Variants in ALK observed in about 807,000 individuals in gnomAD.
ALK encodes the protein ALK receptor tyrosine kinase.
ALK carries 74 observed loss-of-function variants against 163.1 expected under a neutral mutation model. That is an observed-to-expected ratio of 0.45 (90% confidence interval 0.38 to 0.55). The LOEUF (loss-of-function observed/expected upper bound fraction) is 0.55. ALK is among the 20% of genes least tolerant of loss of function. The pLI, the probability that ALK is intolerant of heterozygous loss-of-function variation, is 0.00. For synonymous variants in ALK, 960 were observed against 843.2 expected (o/e 1.14, Z -2.40); for missense variants, 2,063 against 2,105.3 (o/e 0.98, Z 0.39).
chr2:29,617,552 A>T (rs1293233088), intron 3 of ALK, among the ~76,000 whole-genome samples: 1 of 152,158 alleles, frequency 6.6e-6, no homozygotes, highest in Non-Finnish European at 1.5e-5. Context: ...GCTGACAAAG[A>T]CTGTCTCAGG....
At chr2:29,217,072 T>C (rs1305302731) in intron 23 of ALK, among the ~76,000 whole-genome samples, 2 of 143,034 alleles carry the variant, frequency 1.4e-5, no homozygotes, top group East Asian at 4.4e-4. Context: ...TGTGTATGTG[T>C]AGTGTATGTA....
intron 3 of ALK, among the ~76,000 whole-genome samples, chr2:29,666,459 G>A (rs1463399670): frequency 6.6e-6 from 1 of 151,950 alleles, no homozygotes; most frequent in Admixed American, 6.6e-5. Flanking sequence ...TCTCCTCAAG[G>A]CTCTCATCTC....
intron 3 of ALK, among the ~76,000 whole-genome samples, chr2:29,659,544 G>A (rs577609216): frequency 3.3e-5 from 5 of 152,108 alleles, no homozygotes; most frequent in African/African-American, 4.8e-5. Flanking sequence ...TAAGCACTAC[G>A]TTATACAACA....
At chr2:29,912,238 A>G (rs1667723575) in intron 1 of ALK, among the ~76,000 whole-genome samples, 1 of 152,202 alleles carries the variant, frequency 6.6e-6, no homozygotes, top group Admixed American at 6.5e-5. Context: ...AAACTTATAG[A>G]CTCAAGAGTC....
chr2:29,389,763 G>A (rs1377105714), intron 4 of ALK, among the ~76,000 whole-genome samples: 3 of 152,130 alleles, frequency 2.0e-5, no homozygotes, highest in Non-Finnish European at 1.5e-5. Context: ...TGATAATGAC[G>A]CCTTCCCTGT....
chr2:29,772,605 T>G (rs1681057306), intron 1 of ALK, among the ~76,000 whole-genome samples: 1 of 151,972 alleles, frequency 6.6e-6, no homozygotes, highest in Non-Finnish European at 1.5e-5. Flanking sequence ...GCAACACAAG[T>G]GTATTATTTA....
At position 29,193,883 on chromosome 2, in the gene ALK, C is replaced by T. The variant is rs2148139060; in HGVS notation, c.4204G>A (p.Gly1402Ser). Residue 1402 changes from glycine to serine, a missense_variant, in exon 29 of 29, where the codon GGT (glycine) becomes AGT (serine). This residue lies in a region of ALK where 403 missense variants were observed against 366.2 expected (regional missense o/e 1.10). Transcript: ENST00000389048. ...VINTALPIEY[G>S]PLVEEEEKVP... The stretch of plus-strand genomic sequence containing the variant: ...TTCTCTTCCTCTTCCACAAGTGGAC[C>T]ATATTCTATCGGCAAAGCGGTGTTG... 6.2e-7 allele frequency: 1 copy of T among 1,614,132 alleles called. No individual in the cohort carries two copies. The highest frequency in any genetic ancestry group is 8.5e-7 in the Non-Finnish European group (1 of 1,180,012).
intron 1 of ALK, among the ~76,000 whole-genome samples, chr2:29,766,632 G>A (rs1680870694): frequency 6.6e-6 from 1 of 152,174 alleles, no homozygotes. Flanking sequence ...CTACTCAGCA[G>A]GACCATAACC....
intron 3 of ALK, among the ~76,000 whole-genome samples, chr2:29,682,057 T>C (rs1678086582): frequency 6.6e-6 from 1 of 152,206 alleles, no homozygotes; most frequent in African/African-American, 2.4e-5. Flanking sequence ...TTTGTTTTTA[T>C]TAGTAGGGCC....
At chr2:29,436,246 A>G (rs1670393630) in intron 4 of ALK, among the ~76,000 whole-genome samples, 1 of 152,194 alleles carries the variant, frequency 6.6e-6, no homozygotes, top group African/African-American at 2.4e-5. Flanking sequence ...TCAATTCCCC[A>G]GGAACCTTAC....
chr2:29,504,598 G>T lies in ALK; in HGVS notation c.1154+27317C>A, dbSNP rs140696458. On this transcript the variant is annotated intron_variant, in intron 4 of 28. Coordinates refer to ENST00000389048, the MANE Select transcript of ALK (RefSeq NM_004304.5). Reference sequence around the variant, plus strand: ...ATTGACAGGGTTTGCTCTCATGGGGGATATGGGGTGAAGAGTGAAGAGGAG... The same window carrying T: ...ATTGACAGGGTTTGCTCTCATGGGGTATATGGGGTGAAGAGTGAAGAGGAG... Among the ~76,000 whole-genome samples, 215 of 152,200 alleles carry T rather than the reference G, an allele frequency of 1.4e-3. 1 individual carries two copies. The highest frequency in any genetic ancestry group is 5.1e-3 in the African/African-American group (211 of 41,512).
At chr2:29,668,130 A>G (rs1483448588) in intron 3 of ALK, among the ~76,000 whole-genome samples, 1 of 151,948 alleles carries the variant, frequency 6.6e-6, no homozygotes, top group African/African-American at 2.4e-5. Flanking sequence ...ATCAGTTGTT[A>G]TGTCCCCCTC....
intron 4 of ALK, among the ~76,000 whole-genome samples, chr2:29,414,900 G>A (rs1456712780): frequency 6.8e-6 from 1 of 147,840 alleles, no homozygotes; most frequent in Non-Finnish European, 1.5e-5. Flanking sequence ...CCATATTTAA[G>A]GAAGCCTGCA....
chr2:29,822,398 A>G (rs1665072927), intron 1 of ALK, among the ~76,000 whole-genome samples: 1 of 152,256 alleles, frequency 6.6e-6, no homozygotes, highest in Admixed American at 6.5e-5. Context: ...AGGAGGACAG[A>G]GGAAATGGGA....
chr2:29,289,058 C>G (rs1440647910), intron 9 of ALK, among the ~76,000 whole-genome samples: 2 of 151,808 alleles, frequency 1.3e-5, no homozygotes, highest in Admixed American at 1.3e-4. Flanking sequence ...TGCCTCTGGA[C>G]AGATTATTTA....
intron 28 of ALK, among the ~76,000 whole-genome samples, chr2:29,196,373 A>G (rs570117270): frequency 2.8e-4 from 42 of 152,342 alleles, no homozygotes; most frequent in South Asian, 1.9e-3. Context: ...TCAATTTTAT[A>G]TGCAATTAAT....
chr2:29,352,182 C>G (rs542315642), intron 5 of ALK, among the ~76,000 whole-genome samples: 2 of 152,176 alleles, frequency 1.3e-5, no homozygotes, highest in African/African-American at 4.8e-5. Context: ...ACCCTCACTG[C>G]TAAACTGGTG....
chr2:29,724,990 G>A (rs899435119), intron 1 of ALK, among the ~76,000 whole-genome samples: 1 of 151,786 alleles, frequency 6.6e-6, no homozygotes, highest in African/African-American at 2.4e-5. Flanking sequence ...TCCCCAAGAG[G>A]ACCCATGTAT....
chr2:29,591,205 C>A (rs1675048620), intron 3 of ALK, among the ~76,000 whole-genome samples: 1 of 151,948 alleles, frequency 6.6e-6, no homozygotes, highest in African/African-American at 2.4e-5. Flanking sequence ...ACACAGTACC[C>A]CCATATTAAA....
Sources: allele counts gnomAD v4.1 joint callset (sites outside exome capture counted in the v4.1 genomes callset), GRCh38; gene constraint gnomAD v4.1.1; regional missense constraint gnomAD v4.1.1; transcripts MANE v1.5; gene names NCBI Gene and HGNC (gene_info 2026-07-23, HGNC 2026-07-21).